CD274: variants seen among roughly 807,000 people sequenced by gnomAD.
The protein encoded by CD274 is CD274 molecule.
A neutral mutation model predicts 30.1 loss-of-function variants in CD274; 8 were observed. The observed-to-expected ratio is 0.27, with a 90% confidence interval of 0.16 to 0.48. The LOEUF is 0.48. CD274 is among the 20% of genes least tolerant of loss of function. CD274 has a pLI of 0.99. For missense variants in CD274, 353 were observed against 346.6 expected (o/e 1.02, Z -0.15); for synonymous variants, 152 against 124.6 (o/e 1.22, Z -1.46).
chr9:5,451,486 C>G (rs911123788), intron 1 of CD274, among the ~76,000 whole-genome samples: 7 of 152,118 alleles, frequency 4.6e-5, no homozygotes, highest in Non-Finnish European at 7.3e-5. Context: ...GTCAAAGAGC[C>G]TGAATATTTT....
intron 4 of CD274, 84 bp from the exon 5 acceptor site, chr9:5,465,415 C>T (rs1004624582): frequency 1.2e-5 from 9 of 772,938 alleles, no homozygotes; most frequent in Non-Finnish European, 2.0e-5. Context: ...CTAAACTAAA[C>T]TTCAAGGATG....
chr9:5,457,257 G>A lies in CD274; in HGVS notation c.231G>A (p.Gln77=), dbSNP rs765353527. The A allele has an allele frequency of 6.2e-7, 1 of 1,614,098 alleles. No individual in the cohort carries two copies. Among genetic ancestry groups the A allele is most frequent in the South Asian group, 1.1e-5 (1 of 91,092 alleles). The change falls in exon 3 of 7, where the codon CAG becomes CAA. Residue 77 remains glutamine, a synonymous_variant. Transcript: ENST00000381577. ...ATGGAGAGGAAGACCTGAAGGTTCAGCATAGTAGCTACAGACAGAGGGCCC... is the reference window on the plus strand; with the variant it reads ...ATGGAGAGGAAGACCTGAAGGTTCAACATAGTAGCTACAGACAGAGGGCCC... The part of the protein sequence containing the change: ...FVHGEEDLKV[Q]HSSYRQRARL...
At chr9:5,465,415 C>A in intron 4 of CD274, 84 bp from the exon 5 acceptor site, 1 of 772,938 alleles carries the variant, frequency 1.3e-6, no homozygotes, top group Non-Finnish European at 2.2e-6. Context: ...CTAAACTAAA[C>A]TTCAAGGATG....
At chr9:5,464,859 G>T (rs1385928357) in intron 4 of CD274, among the ~76,000 whole-genome samples, 1 of 152,130 alleles carries the variant, frequency 6.6e-6, no homozygotes, top group Non-Finnish European at 1.5e-5. Flanking sequence ...GGCCAAGGTG[G>T]GCAGATCACT....
rs141907112 is a variant in CD274 at position 5,468,616 on chromosome 9, T to A, written c.*754T>A. ...CTTATTCTCAGACCTCAAGTGTCTGTGCAGTATCTGTTCCATTTAAATATC... is the reference window on the plus strand; with the variant it reads ...CTTATTCTCAGACCTCAAGTGTCTGAGCAGTATCTGTTCCATTTAAATATC... On this transcript the variant is annotated 3_prime_UTR_variant, in exon 7 of 7. Transcript: ENST00000381577. 2.7e-4 allele frequency: 64 copies of A among 233,064 alleles called. No individual in the cohort carries two copies. The highest frequency in any genetic ancestry group is 2.0e-3 in the East Asian group (33 of 16,548). 14.4% of individuals were successfully genotyped at this position (233,064 alleles called of 1,614,324 possible). A position where few individuals can be genotyped will look rare whatever the true frequency, so the allele number is the denominator to read the frequency against.
At chr9:5,462,065 G>A (rs1396253551) in intron 3 of CD274, among the ~76,000 whole-genome samples, 1 of 152,146 alleles carries the variant, frequency 6.6e-6, no homozygotes, top group Admixed American at 6.5e-5. Context: ...CGGGTAAGGA[G>A]TATACAGTAA....
At chr9:5,465,873 GA>G (rs922282925) in intron 5 of CD274, 6 of 243,932 alleles carry the variant, frequency 2.5e-5, no homozygotes, top group African/African-American at 1.3e-4. Flanking sequence ...CAGACTTACA[GA>G]AGAGAAAGAG....
intron 4 of CD274, among the ~76,000 whole-genome samples, chr9:5,464,923 C>G (rs979858860): frequency 6.6e-6 from 1 of 152,002 alleles, no homozygotes; most frequent in Non-Finnish European, 1.5e-5. Context: ...TCTGCCTTTA[C>G]TAAAAATATA....
intron 3 of CD274, among the ~76,000 whole-genome samples, chr9:5,462,082 A>C (rs10975124): frequency 6.6e-6 from 1 of 152,160 alleles, no homozygotes; most frequent in African/African-American, 2.4e-5. Flanking sequence ...GTAACTCTAT[A>C]CTATCTTTGC....
intron 4 of CD274, 44 bp from the exon 5 acceptor site, chr9:5,465,455 T>C: frequency 8.5e-7 from 1 of 1,181,992 alleles, no homozygotes; most frequent in Non-Finnish European, 1.3e-6. Context: ...CCCATCAAAA[T>C]TTTATCTTTA....
At chr9:5,451,975 A>G (rs968932236) in intron 1 of CD274, among the ~76,000 whole-genome samples, 1 of 150,584 alleles carries the variant, frequency 6.6e-6, no homozygotes, top group Non-Finnish European at 1.5e-5. Flanking sequence ...GCCACCATGC[A>G]GGCCTCTTGC....
chr9:5,464,820 C>T (rs1301081706), intron 4 of CD274, among the ~76,000 whole-genome samples: 3 of 152,162 alleles, frequency 2.0e-5, no homozygotes, highest in African/African-American at 7.2e-5. Context: ...GGAGCGGAGG[C>T]TCATGCCTGT....
chr9:5,469,008 C>G lies in CD274; in HGVS notation c.*1146C>G, dbSNP rs1385710996. The G allele has an allele frequency of 4.3e-6, 1 of 232,936 alleles. No homozygotes were observed. The highest frequency in any genetic ancestry group is 6.0e-5 in the East Asian group (1 of 16,586). 14.4% of individuals were successfully genotyped at this position (232,936 alleles called of 1,614,324 possible). On this transcript the variant is annotated 3_prime_UTR_variant, in exon 7 of 7. Coordinates refer to ENST00000381577, the MANE Select transcript of CD274 (RefSeq NM_014143.4). ...AGAAAATGTATTATTACAATTTAGT[C>G]CAGTGTCATAGCATAAGGATGATGC...
Position 5,470,388 on chromosome 9 carries a change from C to T in CD274, c.*2526C>T, listed in dbSNP as rs1819570101. On this transcript the variant is annotated 3_prime_UTR_variant, in exon 7 of 7. Coordinates refer to ENST00000381577, the MANE Select transcript of CD274 (RefSeq NM_014143.4). ...TTATCCCTTTTGTCTCATGTTTCAT[C>T]GTAAATGGCATAGGCAGAGATGATA... 8 of 231,738 alleles carry T rather than the reference C, an allele frequency of 3.5e-5. No individual in the cohort carries two copies. The East Asian group carries it at 3.7e-4, about 11-fold the overall frequency. The allele number at this position is 231,738 out of a possible 1,614,324, so 14.4% of individuals were successfully genotyped here. A position where few individuals can be genotyped will look rare whatever the true frequency, so the allele number is the denominator to read the frequency against.
chr9:5,455,145 C>G (rs1819278207), intron 1 of CD274, among the ~76,000 whole-genome samples: 1 of 133,132 alleles, frequency 7.5e-6, no homozygotes, highest in South Asian at 2.1e-4. Flanking sequence ...AAACTTACCT[C>G]TTTCTTATCA....
At chr9:5,463,690 G>C (rs1363385643) in intron 4 of CD274, among the ~76,000 whole-genome samples, 1 of 152,200 alleles carries the variant, frequency 6.6e-6, no homozygotes, top group African/African-American at 2.4e-5. Flanking sequence ...TCTGCTTAGT[G>C]CATAGAACAT....
At chr9:5,465,399 C>T in intron 4 of CD274, 100 bp from the exon 5 acceptor site, 1 of 670,044 alleles carries the variant, frequency 1.5e-6, no homozygotes, top group Admixed American at 2.5e-5. Flanking sequence ...GAAAATTATC[C>T]TAAAGCTAAA....
intron 1 of CD274, among the ~76,000 whole-genome samples, chr9:5,454,553 T>C (rs940628342): frequency 6.6e-6 from 1 of 152,152 alleles, no homozygotes; most frequent in Non-Finnish European, 1.5e-5. Flanking sequence ...TACCAAAATT[T>C]GTTTAACCAC....
chr9:5,465,086 CA>C (rs1263982025), intron 4 of CD274, among the ~76,000 whole-genome samples: 1,259 of 84,260 alleles, frequency 0.015, 8 homozygotes, highest in Admixed American at 0.017. Flanking sequence ...GACTCTGCCT[CA>C]AAAAAAAAAA....
Sources: gnomAD v4.1 joint callset for allele counts (sites outside exome capture counted in the v4.1 genomes callset) on GRCh38, gnomAD v4.1.1 for gene constraint, MANE v1.5 for transcripts, NCBI Gene and HGNC (gene_info 2026-07-23, HGNC 2026-07-21) for gene names.